Variants in PCDHGA7 observed in about 807,000 individuals in gnomAD.
PCDHGA7 encodes the protein protocadherin gamma-A7.
PCDHGA7 carries 44 observed loss-of-function variants against 58.3 expected under a neutral mutation model. The ratio of observed to expected loss-of-function variants is 0.75; its 90% CI spans 0.59 to 0.97. The LOEUF is 0.97. PCDHGA7 is among the 50% of genes least tolerant of loss of function. The pLI, the probability that PCDHGA7 is intolerant of heterozygous loss-of-function variation, is 0.00. For synonymous variants in PCDHGA7, 516 were observed against 504.2 expected (o/e 1.02, Z -0.31); for missense variants, 1,266 against 1,188.7 (o/e 1.06, Z -0.96).
intron 1 of PCDHGA7, chr5:141,409,186 T>C: frequency 6.2e-7 from 1 of 1,614,042 alleles, no homozygotes; most frequent in Non-Finnish European, 8.5e-7. Flanking sequence ...GTGGTCTCTC[T>C]ACCCAGTGTA....
chr5:141,414,724 G>A (rs1461729604), intron 1 of PCDHGA7: 48 of 1,614,138 alleles, frequency 3.0e-5, no homozygotes, highest in Non-Finnish European at 3.9e-5. Context: ...AGACACTGGC[G>A]TCCTGTATGC....
At position 141,477,576 on chromosome 5, in the gene PCDHGA7, C is replaced by A; in HGVS notation, c.2425-17231C>A. The A allele has an allele frequency of 6.2e-7, 1 of 1,614,162 alleles. No homozygotes were observed. The highest frequency in any genetic ancestry group is 8.5e-7 in the Non-Finnish European group (1 of 1,180,026). On this transcript the variant is annotated intron_variant, in intron 1 of 3. Transcript: ENST00000518325. The surrounding 1 kb of genome is among the most constrained non-coding windows in gnomAD (Gnocchi z 4.9). ...CTAAGTGTCTGGGACCCCGACGCCC[C>A]GCAGAATGCTCGGCTTTCTTTCTTT...
chr5:141,469,762 A>G (rs547099941), intron 1 of PCDHGA7, among the ~76,000 whole-genome samples: 15 of 152,360 alleles, frequency 9.8e-5, no homozygotes, highest in African/African-American at 3.4e-4. Flanking sequence ...ATACATATAT[A>G]CCAGCTTATT....
At chr5:141,417,900 G>T (rs563876979) in intron 1 of PCDHGA7, 1 of 1,583,452 alleles carries the variant, frequency 6.3e-7, no homozygotes, top group African/African-American at 1.3e-5. Flanking sequence ...GCCGGCCCGC[G>T]GCAGGTACTA....
At chr5:141,466,515 TTTTCCTCCCAAATTGA>T (rs2099124043) in intron 1 of PCDHGA7, among the ~76,000 whole-genome samples, 1 of 152,232 alleles carries the variant, frequency 6.6e-6, no homozygotes, top group Admixed American at 6.5e-5. Context: ...AGATCATTTT[TTTTCCTCCCAAATTGA>T]TGTAGATGGT....
At position 141,511,127 on chromosome 5, in the gene PCDHGA7, G is replaced by C; in HGVS notation, c.2753G>C (p.Gly918Ala). 1 of 1,614,194 alleles carries C rather than the reference G, an allele frequency of 6.2e-7. No individual in the cohort carries two copies. Among genetic ancestry groups the C allele is most frequent in the Non-Finnish European group, 8.5e-7 (1 of 1,180,018 alleles). The change falls in exon 4 of 4, where the codon GGT becomes GCT. Residue 918 changes from glycine to alanine, a missense_variant. Coordinates refer to ENST00000518325, the MANE Select transcript of PCDHGA7 (RefSeq NM_018920.4). ...AGKRDGKAPA[G>A]GNGNKKKSGK... ...AAGCGGGATGGCAAGGCCCCAGCAG[G>C]TGGCAATGGCAACAAGAAGAAGTCG...
rs376527354 is a variant in PCDHGA7, at chr5:141,439,129, G to A, written c.2424+53806G>A. Among the ~76,000 whole-genome samples the A allele has an allele frequency of 7.3e-5, 11 of 151,064 alleles. No individual in the cohort carries two copies. The South Asian group carries it at 2.3e-3, about 32-fold the overall frequency. The stretch of plus-strand genomic sequence containing the variant: ...AATCACTTGAACCCGGGAGACAGAG[G>A]TTGCAGTGAGCTGAGATCACGCCAC... On this transcript the variant is annotated intron_variant, in intron 1 of 3. Coordinates refer to ENST00000518325, the MANE Select transcript of PCDHGA7 (RefSeq NM_018920.4).
chr5:141,412,093 GCA>G (rs1252719565), intron 1 of PCDHGA7: 2 of 152,146 alleles, frequency 1.3e-5, no homozygotes, highest in Non-Finnish European at 2.9e-5. Flanking sequence ...GGGTTGATGG[GCA>G]CACACAGTTG....
chr5:141,441,136 GA>G (rs1379465827), intron 1 of PCDHGA7: 2 of 152,304 alleles, frequency 1.3e-5, no homozygotes, highest in Middle Eastern at 3.4e-3. Flanking sequence ...CGAATTTCTA[GA>G]AGATAATGAC....
chr5:141,495,735 T>C (rs1595351919), intron 2 of PCDHGA7, among the ~76,000 whole-genome samples: 1 of 152,044 alleles, frequency 6.6e-6, no homozygotes, highest in Admixed American at 6.5e-5. Context: ...CCTTAGTCTC[T>C]TTCTCCTTCT....
intron 2 of PCDHGA7, 35 bp from the exon 3 acceptor site, chr5:141,505,358 G>A (rs1156448862): frequency 6.2e-7 from 1 of 1,613,796 alleles, no homozygotes; most frequent in Non-Finnish European, 8.5e-7. Context: ...GTGCCGGCCT[G>A]GGAGTCTGTG....
intron 1 of PCDHGA7, chr5:141,393,135 A>T: frequency 6.2e-7 from 1 of 1,613,294 alleles, no homozygotes; most frequent in Non-Finnish European, 8.5e-7. Context: ...AAATATTAAC[A>T]CCCTGGTTGA....
At chr5:141,402,908 G>A (rs772824235) in intron 1 of PCDHGA7, 1 of 1,545,226 alleles carries the variant, frequency 6.5e-7, no homozygotes, top group Admixed American at 2.0e-5. Context: ...TGATGAAGCA[G>A]CGCGCACAGA....
intron 1 of PCDHGA7, chr5:141,417,757 G>A: frequency 7.0e-7 from 1 of 1,435,144 alleles, no homozygotes; most frequent in Non-Finnish European, 9.2e-7. Flanking sequence ...CCAGCTCCGA[G>A]ACCCGGGACT....
At chr5:141,462,152 G>C (rs1336635196) in intron 1 of PCDHGA7, among the ~76,000 whole-genome samples, 6 of 152,034 alleles carry the variant, frequency 3.9e-5, no homozygotes, top group African/African-American at 7.2e-5. Flanking sequence ...TAGAGATGGG[G>C]TTTCATCATG....
intron 1 of PCDHGA7, chr5:141,478,700 C>A: frequency 1.3e-6 from 2 of 1,549,172 alleles, no homozygotes; most frequent in Non-Finnish European, 1.7e-6. Flanking sequence ...AAAGTTAGTG[C>A]CTTTGTGAGA....
chr5:141,432,949 CG>C lies in PCDHGA7; in HGVS notation c.2424+47628del, dbSNP rs930064840. 6.2e-7 allele frequency: 1 copy of C among 1,614,066 alleles called. No individual in the cohort carries two copies. Among genetic ancestry groups the C allele is most frequent in the African/African-American group, 1.3e-5 (1 of 74,930 alleles). ...CACGCCTGCTGCAGGCTTCAGGAGG[CG>C]GCTTGACAGGAGCGCCGGCGTCGCA... On this transcript the variant is annotated intron_variant, in intron 1 of 3. Transcript: ENST00000518325. This position sits in a 1 kb window ranked among gnomAD's most constrained non-coding sequence, Gnocchi z 6.0.
At chr5:141,422,980 C>T in intron 1 of PCDHGA7, 1 of 1,614,232 alleles carries the variant, frequency 6.2e-7, no homozygotes, top group Middle Eastern at 1.7e-4. Flanking sequence ...CTCTGCGGAA[C>T]CTGGCTACCT....
chr5:141,438,658 G>GTA (rs2098048375), intron 1 of PCDHGA7, among the ~76,000 whole-genome samples: 7 of 77,996 alleles, frequency 9.0e-5, no homozygotes, highest in African/African-American at 1.9e-4. Flanking sequence ...ACACATATAT[G>GTA]TATATATATA....
Sources: allele counts gnomAD v4.1 joint callset (sites outside exome capture counted in the v4.1 genomes callset), GRCh38; gene constraint gnomAD v4.1.1; non-coding constraint Gnocchi (gnomAD v3.1); transcripts MANE v1.5; gene names NCBI Gene and HGNC (gene_info 2026-07-23, HGNC 2026-07-21).